Variants in LRRC36 observed in about 807,000 individuals in gnomAD.
LRRC36 encodes leucine rich repeat containing 36, also known as leucine-rich repeat-containing protein 36.
In LRRC36, 62 loss-of-function variants were observed where a neutral mutation model predicts 81.1. The ratio of observed to expected loss-of-function variants is 0.76; its 90% CI spans 0.62 to 0.94. The LOEUF (loss-of-function observed/expected upper bound fraction) is 0.94, where lower values mean the gene tolerates loss of function less well. LRRC36 is among the 40% of genes least tolerant of loss of function. The pLI is 0.00. For missense variants in LRRC36, 761 were observed against 881.7 expected, an observed-to-expected ratio of 0.86 and a Z score of 1.73; for synonymous variants, 334 against 348.6, an observed-to-expected ratio of 0.96 and a Z score of 0.47.
chr16:67,360,492 AC>A (rs1224487648), intron 5 of LRRC36, among the ~76,000 whole-genome samples: 22 of 152,330 alleles, frequency 1.4e-4, no homozygotes, highest in African/African-American at 4.6e-4. Context: ...GTCACAGCCT[AC>A]TAACCATTCT....
chr16:67,378,235 CTTTTTTTTTTT>C (rs1015471341), intron 11 of LRRC36, among the ~76,000 whole-genome samples: 1 of 100,522 alleles, frequency 9.9e-6, no homozygotes, highest in Non-Finnish European at 1.9e-5. Flanking sequence ...ATGTCAGATT[CTTTTTTTTTTT>C]TTTTTTTTTT....
intron 1 of LRRC36, among the ~76,000 whole-genome samples, chr16:67,329,305 T>G (rs978664519): frequency 1.3e-5 from 2 of 152,066 alleles, no homozygotes; most frequent in Non-Finnish European, 2.9e-5. Context: ...TTTGTTTTGT[T>G]TTTGAGATGG....
chr16:67,366,173 G>A (rs984643565), intron 7 of LRRC36, among the ~76,000 whole-genome samples: 8 of 150,864 alleles, frequency 5.3e-5, no homozygotes, highest in African/African-American at 2.0e-4. Flanking sequence ...TTATTTTTGA[G>A]ACAAGTTCTC....
At chr16:67,345,022 A>G (rs976042909) in intron 2 of LRRC36, among the ~76,000 whole-genome samples, 2 of 151,928 alleles carry the variant, frequency 1.3e-5, no homozygotes, top group Non-Finnish European at 2.9e-5. Context: ...TATTAAAAGT[A>G]TATGATTAAC....
chr16:67,330,038 T>C (rs1041372074), intron 1 of LRRC36, among the ~76,000 whole-genome samples: 1 of 152,244 alleles, frequency 6.6e-6, no homozygotes, highest in Non-Finnish European at 1.5e-5. Flanking sequence ...TTCAATTGTT[T>C]TTGAAGAAAC....
rs764672675 is a variant in LRRC36 at position 67,376,871 on chromosome 16, T to G, written c.1805T>G (p.Met602Arg). 3.7e-6 allele frequency: 6 copies of G among 1,608,684 alleles called. No homozygotes were observed. Among genetic ancestry groups the G allele is most frequent in the African/African-American group, 1.3e-5 (1 of 74,908 alleles). ...GCTGCGCAGCTGGTCCCTAATGACA[T>G]GGTATGCCCCTCTCATCTCCCTTTA... is the stretch of plus-strand genomic sequence containing the variant. ...KEAAQLVPND[M>R]ESLKQKLVRV... Residue 602 changes from methionine to arginine, a missense_variant and splice_region_variant, in exon 11 of 14, where the codon ATG becomes AGG. By Grantham distance (91) the Met-to-Arg change is moderately conservative. Around this residue, in one of 3 missense-constraint regions of LRRC36, gnomAD observed 359 missense variants for 388.4 expected, o/e 0.92. Coordinates refer to ENST00000329956, the MANE Select transcript of LRRC36 (RefSeq NM_018296.6).
At chr16:67,364,936 C>G (rs2039315954) in intron 6 of LRRC36, among the ~76,000 whole-genome samples, 1 of 152,112 alleles carries the variant, frequency 6.6e-6, no homozygotes, top group Non-Finnish European at 1.5e-5. Context: ...TATTAAAACC[C>G]CCTTAGCTAT....
chr16:67,373,070 C>G (rs1383358418), intron 9 of LRRC36, among the ~76,000 whole-genome samples: 1 of 152,112 alleles, frequency 6.6e-6, no homozygotes, highest in African/African-American at 2.4e-5. Flanking sequence ...TTGTTAAAAT[C>G]TGGCTAGATG....
At chr16:67,336,099 C>T (rs1317579341) in intron 1 of LRRC36, among the ~76,000 whole-genome samples, 2 of 152,158 alleles carry the variant, frequency 1.3e-5, no homozygotes, top group South Asian at 2.1e-4. Flanking sequence ...TAGTATGTAA[C>T]CTTTCAAACT....
At chr16:67,353,242 A>G (rs1312431814) in intron 5 of LRRC36, among the ~76,000 whole-genome samples, 1 of 152,106 alleles carries the variant, frequency 6.6e-6, no homozygotes, top group Non-Finnish European at 1.5e-5. Flanking sequence ...CAGTATTACC[A>G]CAGCTTTCCC....
intron 11 of LRRC36, 80 bp from the exon 12 acceptor site, chr16:67,378,509 G>A (rs2039994841): frequency 7.2e-7 from 1 of 1,388,182 alleles, no homozygotes; most frequent in Non-Finnish European, 1.0e-6. Context: ...CAAAGTGCTA[G>A]GATTACAGGC....
intron 1 of LRRC36, among the ~76,000 whole-genome samples, chr16:67,329,746 C>T (rs2037385180): frequency 6.6e-6 from 1 of 151,894 alleles, no homozygotes; most frequent in Admixed American, 6.6e-5. Context: ...GGTGAAACCC[C>T]ATCTCTATTA....
intron 5 of LRRC36, among the ~76,000 whole-genome samples, chr16:67,358,732 T>G (rs768943234): frequency 2.0e-4 from 30 of 151,972 alleles, no homozygotes; most frequent in Non-Finnish European, 3.2e-4. Context: ...GGCAGAGAAT[T>G]TGAATAGACA....
intron 5 of LRRC36, among the ~76,000 whole-genome samples, chr16:67,361,812 C>G (rs1371023246): frequency 2.6e-5 from 4 of 152,128 alleles, no homozygotes; most frequent in Admixed American, 1.3e-4. Context: ...GGTGATCCAC[C>G]CACCTTGGCC....
intron 6 of LRRC36, 70 bp downstream of exon 6, chr16:67,363,784 C>G (rs1471672642): frequency 1.7e-5 from 26 of 1,532,474 alleles, no homozygotes; most frequent in East Asian, 2.3e-5. Context: ...AGTGGGCTCT[C>G]AATTATTTAT....
At chr16:67,363,980 G>T (rs2039275969) in intron 6 of LRRC36, among the ~76,000 whole-genome samples, 2 of 151,962 alleles carry the variant, frequency 1.3e-5, no homozygotes, top group Admixed American at 1.3e-4. Context: ...AGGCATTTTG[G>T]TCCTCAAACA....
Position 67,326,893 on chromosome 16 carries a change from G to T in LRRC36, c.31G>T (p.Gly11Cys). The change falls in exon 1 of 14, where the codon GGC (glycine) becomes TGC (cysteine). Residue 11 changes from glycine to cysteine, a missense_variant. By Grantham distance (159) the Gly-to-Cys change is radical. Transcript: ENST00000329956. ...GGAGCAATGGGAGCTGGACGAGGAA[G>T]GCATTCGCCGCCTGGGGGCGCTGAC... MAEQWELDEEGIRRLGALTLE... is the reference protein window; with the variant it reads MAEQWELDEECIRRLGALTLE... The T allele has an allele frequency of 6.8e-7, 1 of 1,469,028 alleles. No homozygotes were observed. 91.0% of individuals were successfully genotyped at this position (1,469,028 alleles called of 1,614,324 possible). A position where few individuals can be genotyped will look rare whatever the true frequency, so the allele number is the denominator to read the frequency against.
intron 2 of LRRC36, among the ~76,000 whole-genome samples, chr16:67,345,337 G>C (rs1305779743): frequency 7.5e-6 from 1 of 132,564 alleles, no homozygotes; most frequent in Non-Finnish European, 1.5e-5. Context: ...AAAAGTATGC[G>C]ATTATACATA....
chr16:67,340,535 G>T (rs980475713), intron 1 of LRRC36, among the ~76,000 whole-genome samples: 2 of 150,936 alleles, frequency 1.3e-5, no homozygotes, highest in Non-Finnish European at 3.0e-5. Flanking sequence ...GCACACCTGT[G>T]TTCCCAGCTA....
Sources: gnomAD v4.1 joint callset for allele counts (sites outside exome capture counted in the v4.1 genomes callset) on GRCh38, gnomAD v4.1.1 for gene constraint, gnomAD v4.1.1 regional missense constraint, MANE v1.5 for transcripts, NCBI Gene and HGNC (gene_info 2026-07-23, HGNC 2026-07-21) for gene names.